The following ANO2 variants were observed in gnomAD, a reference collection of about 807,000 sequenced individuals.
The protein encoded by ANO2 is anoctamin-2.
A neutral mutation model predicts 124.2 loss-of-function variants in ANO2; 101 were observed. The ratio of observed to expected loss-of-function variants is 0.81; its 90% confidence interval spans 0.69 to 0.96. The LOEUF (loss-of-function observed/expected upper bound fraction) is 0.96, where lower values mean the gene tolerates loss of function less well. Among genes scored for constraint, ANO2 ranks in the 40% least tolerant of loss-of-function variants. The probability of loss-of-function intolerance (pLI) is 0.00; values close to 1 mark genes in which losing one functional copy is unlikely to be tolerated. For missense variants in ANO2, 1,293 were observed against 1,274.5 expected (o/e 1.01, Z -0.22); for synonymous variants, 486 against 482.5 (o/e 1.01, Z -0.09).
chr12:5,661,604 G>GA (rs1947445938), intron 14 of ANO2, among the ~76,000 whole-genome samples: 1 of 152,090 alleles, frequency 6.6e-6, no homozygotes, highest in Non-Finnish European at 1.5e-5. Flanking sequence ...AGGCCATGGG[G>GA]AAGACAGGCC....
rs71459960 is a variant in ANO2, at chr12:5,658,813, A to T, written c.1546-11012T>A. On this transcript the variant is annotated intron_variant, in intron 14 of 24. Coordinates refer to ENST00000682330, the MANE Select transcript of ANO2 (RefSeq NM_001364791.2). The surrounding 1 kb of genome is among the most constrained non-coding windows in gnomAD (Gnocchi z 4.3). ...TGTCATCAATATCATCATCATCAAC[A>T]TCATCATTAAATCATCAGCAGCATC... is the stretch of plus-strand genomic sequence containing the variant. Among the ~76,000 whole-genome samples, 722 of 152,178 alleles carry T rather than the reference A, an allele frequency of 4.7e-3. 6 individuals carry two copies. Among genetic ancestry groups the T allele is most frequent in the South Asian group, 0.027 (128 of 4,794 alleles).
intron 16 of ANO2, among the ~76,000 whole-genome samples, chr12:5,629,364 C>T (rs536673964): frequency 2.6e-4 from 39 of 152,314 alleles, no homozygotes; most frequent in Non-Finnish European, 4.7e-4. Context: ...CCTTTCCAGG[C>T]CAAGCCTGAC....
At chr12:5,565,449 A>G (rs1941689426) in intron 24 of ANO2, 109 bp downstream of exon 24, 1 of 961,124 alleles carries the variant, frequency 1.0e-6, no homozygotes, top group East Asian at 2.6e-5. Flanking sequence ...AAGCTTTCTT[A>G]TGTCACAGAG....
chr12:5,624,174 CA>C (rs1184092460), intron 16 of ANO2, among the ~76,000 whole-genome samples: 16 of 151,818 alleles, frequency 1.1e-4, no homozygotes, highest in Non-Finnish European at 1.9e-4. Context: ...CAGCCTAGGC[CA>C]GGGTGACAGC....
intron 14 of ANO2, among the ~76,000 whole-genome samples, chr12:5,704,563 C>T (rs1400484883): frequency 6.6e-6 from 1 of 152,062 alleles, no homozygotes; most frequent in African/African-American, 2.4e-5. Flanking sequence ...TGTTGGTGGG[C>T]AGATTTGACA....
At chr12:5,765,269 C>T (rs534448349) in intron 10 of ANO2, among the ~76,000 whole-genome samples, 6 of 152,310 alleles carry the variant, frequency 3.9e-5, no homozygotes, top group African/African-American at 1.4e-4. Context: ...CATAGCATCT[C>T]TCGATTGGAA....
At chr12:5,767,629 T>G (rs754168219) in intron 10 of ANO2, among the ~76,000 whole-genome samples, 17 of 152,232 alleles carry the variant, frequency 1.1e-4, no homozygotes, top group Non-Finnish European at 2.5e-4. Context: ...AGGATTAGAT[T>G]CAGATGGTGA....
chr12:5,913,020 T>C (rs1362050195), intron 3 of ANO2, among the ~76,000 whole-genome samples: 1 of 152,142 alleles, frequency 6.6e-6, no homozygotes, highest in Non-Finnish European at 1.5e-5. Context: ...CATTTTATAA[T>C]GGAGTCAATG....
rs1389717786 is a variant in ANO2, at chr12:5,921,303, G to A, written c.271C>T (p.His91Tyr). ...ACCTTCCTCTGACTGTCATGGAAGT[G>A]CATGCGGCTAAGACGGGCCTCCAAG... ...VSLEARLSRM[H>Y]FHDSQRKVDY... The change falls in exon 3 of 25, where the codon CAC becomes TAC. Residue 91 changes from histidine to tyrosine, a missense_variant. His to Tyr is a moderately conservative substitution (Grantham distance 83, BLOSUM62 2). Coordinates refer to ENST00000682330, the MANE Select transcript of ANO2 (RefSeq NM_001364791.2). 1 of 1,613,998 alleles carries A rather than the reference G, an allele frequency of 6.2e-7. No homozygotes were observed. Among genetic ancestry groups the A allele is most frequent in the Admixed American group, 1.7e-5 (1 of 60,022 alleles).
At chr12:5,844,921 A>G (rs1430355231) in intron 4 of ANO2, among the ~76,000 whole-genome samples, 4 of 148,914 alleles carry the variant, frequency 2.7e-5, no homozygotes, top group Non-Finnish European at 3.0e-5. Flanking sequence ...AATTGTAATC[A>G]TTAGTGTTTT....
At chr12:5,576,866 A>C (rs1353429914) in intron 22 of ANO2, among the ~76,000 whole-genome samples, 1 of 152,246 alleles carries the variant, frequency 6.6e-6, no homozygotes, top group Non-Finnish European at 1.5e-5. Context: ...TTGAGAGTGA[A>C]TAACATCATA....
At chr12:5,703,789 T>A (rs1461340965) in intron 14 of ANO2, among the ~76,000 whole-genome samples, 1 of 152,198 alleles carries the variant, frequency 6.6e-6, no homozygotes, top group Non-Finnish European at 1.5e-5. Context: ...GCTCAGGCCA[T>A]CAGCCCTTCA....
At chr12:5,763,142 C>G (rs1327786016) in intron 10 of ANO2, among the ~76,000 whole-genome samples, 1 of 151,922 alleles carries the variant, frequency 6.6e-6, no homozygotes, top group Admixed American at 6.5e-5. Context: ...TGACCTTGAA[C>G]CAACTTTGGG....
intron 4 of ANO2, among the ~76,000 whole-genome samples, chr12:5,842,367 C>T (rs1954539579): frequency 6.6e-6 from 1 of 152,182 alleles, no homozygotes; most frequent in African/African-American, 2.4e-5. Flanking sequence ...CACAGGATCT[C>T]TTACACACAG....
chr12:5,637,300 G>A (rs879348347), intron 15 of ANO2, among the ~76,000 whole-genome samples: 1 of 151,596 alleles, frequency 6.6e-6, no homozygotes, highest in Non-Finnish European at 1.5e-5. Flanking sequence ...TGAAAGTATT[G>A]ATGAGGCTGG....
At chr12:5,645,507 TTTG>T (rs570746283) in intron 15 of ANO2, among the ~76,000 whole-genome samples, 33 of 152,292 alleles carry the variant, frequency 2.2e-4, no homozygotes, top group Admixed American at 2.0e-3. Context: ...CAATAATATT[TTTG>T]TTAATTTCTA....
intron 16 of ANO2, 117 bp from the exon 17 acceptor site, chr12:5,615,414 G>C: frequency 1.4e-6 from 1 of 723,132 alleles, no homozygotes; most frequent in South Asian, 1.9e-5. Flanking sequence ...AAAATCACGA[G>C]ACCCATCTCT....
Position 5,904,641 on chromosome 12 carries a change from C to T in ANO2, c.534+16399G>A, listed in dbSNP as rs900977192. 2.0e-5 allele frequency among the ~76,000 whole-genome samples: 3 copies of T among 152,178 alleles called. No individual in the cohort carries two copies. The highest frequency in any genetic ancestry group is 4.8e-5 in the African/African-American group (2 of 41,446). The stretch of plus-strand genomic sequence containing the variant: ...CCTGGTACCACACGGCCCCGACATG[C>T]CACAGCACCCGATGCTCCTTCTCGA... On this transcript the variant is annotated intron_variant, in intron 3 of 24. Transcript: ENST00000682330. This position sits in a 1 kb window ranked among gnomAD's most constrained non-coding sequence, Gnocchi z 4.1.
At chr12:5,657,446 C>CTCCA (rs998976277) in intron 14 of ANO2, among the ~76,000 whole-genome samples, 1 of 151,612 alleles carries the variant, frequency 6.6e-6, no homozygotes, top group African/African-American at 2.4e-5. Flanking sequence ...AACAGCGAAA[C>CTCCA]TCCAGAAAGA....
Sources: allele counts gnomAD v4.1 joint callset (sites outside exome capture counted in the v4.1 genomes callset), GRCh38; gene constraint gnomAD v4.1.1; non-coding constraint Gnocchi (gnomAD v3.1); transcripts MANE v1.5; gene names NCBI Gene and HGNC (gene_info 2026-07-23, HGNC 2026-07-21).